SSPN: variants seen among roughly 807,000 people sequenced by gnomAD.
SSPN encodes sarcospan, also known as K-ras oncogene-associated protein.
SSPN carries 15 observed loss-of-function variants against 19.1 expected under a neutral mutation model. The observed-to-expected ratio is 0.78, with a 90% confidence interval of 0.52 to 1.21. SSPN has a LOEUF of 1.21. SSPN is among the 50% of genes most tolerant of loss of function. SSPN has a pLI of 0.00. For missense variants in SSPN, 291 were observed against 314.0 expected (o/e 0.93, Z 0.55); for synonymous variants, 147 against 140.3 (o/e 1.05, Z -0.34).
At chr12:26,214,861 C>T (rs996221660) in intron 1 of SSPN, 1 of 143,740 alleles carries the variant, frequency 7.0e-6, no homozygotes, top group South Asian at 2.3e-4. Context: ...CATATTTAAG[C>T]CCTATGTGAT....
At chr12:26,208,711 T>G (rs1486516785) in intron 1 of SSPN, among the ~76,000 whole-genome samples, 1 of 152,166 alleles carries the variant, frequency 6.6e-6, no homozygotes, top group Non-Finnish European at 1.5e-5. Flanking sequence ...TTTTGGGTAT[T>G]CATATCTTTA....
chr12:26,204,165 G>A (rs1042350861), intron 1 of SSPN, among the ~76,000 whole-genome samples: 1 of 152,074 alleles, frequency 6.6e-6, no homozygotes, highest in African/African-American at 2.4e-5. Context: ...AAAGCCCTAC[G>A]GCTTTCTTGG....
At chr12:26,156,585 T>C (rs1419977018) in intron 1 of SSPN, among the ~76,000 whole-genome samples, 3 of 152,158 alleles carry the variant, frequency 2.0e-5, no homozygotes, top group Non-Finnish European at 4.4e-5. Flanking sequence ...CCACTGGTCA[T>C]CGCCTGGAAT....
At chr12:26,157,943 A>T (rs1944565279) in intron 1 of SSPN, among the ~76,000 whole-genome samples, 1 of 151,998 alleles carries the variant, frequency 6.6e-6, no homozygotes, top group South Asian at 2.1e-4. Context: ...AACCCCACAA[A>T]TCTCATTATC....
chr12:26,146,682 G>T (rs1409904781), intron 1 of SSPN, among the ~76,000 whole-genome samples: 2 of 152,056 alleles, frequency 1.3e-5, no homozygotes, highest in African/African-American at 4.8e-5. Context: ...AATTAGCCAG[G>T]TGTGGTGGCA....
chr12:26,123,175 T>C (rs1434125618), intron 1 of SSPN: 11 of 1,578,738 alleles, frequency 7.0e-6, no homozygotes, highest in South Asian at 1.2e-5. Context: ...TCCCCTAGGA[T>C]GAGGAAGGGA....
At chr12:26,124,736 T>C in intron 1 of SSPN, 1 of 1,614,230 alleles carries the variant, frequency 6.2e-7, no homozygotes, top group Non-Finnish European at 8.5e-7. Context: ...ATCTCTATGT[T>C]CCAGTAACTG....
intron 1 of SSPN, among the ~76,000 whole-genome samples, chr12:26,130,942 A>G (rs1040220911): frequency 6.7e-6 from 1 of 150,348 alleles, no homozygotes; most frequent in East Asian, 1.9e-4. Context: ...GTCCAATCCC[A>G]TTACAAGAGG....
chr12:26,185,850 C>G (rs1174034341), intron 1 of SSPN, among the ~76,000 whole-genome samples: 1 of 152,194 alleles, frequency 6.6e-6, no homozygotes, highest in Non-Finnish European at 1.5e-5. Flanking sequence ...TCTGTCCCAG[C>G]GTGTGTCATC....
At chr12:26,126,060 T>A (rs1358859099) in intron 1 of SSPN, 2 of 152,028 alleles carry the variant, frequency 1.3e-5, no homozygotes, top group African/African-American at 4.8e-5. Context: ...GCCAGCAACG[T>A]GATCCGACCT....
chr12:26,141,956 C>T (rs895428598), intron 1 of SSPN, among the ~76,000 whole-genome samples: 3 of 152,160 alleles, frequency 2.0e-5, no homozygotes, highest in East Asian at 1.9e-4. Context: ...AGCACCTTGG[C>T]AGGCTCTCCA....
At chr12:26,131,090 G>A (rs865985969) in intron 1 of SSPN, among the ~76,000 whole-genome samples, 6 of 152,238 alleles carry the variant, frequency 3.9e-5, no homozygotes, top group East Asian at 1.9e-4. Context: ...GCTTGTCCAC[G>A]TCCTCTTCTT....
At position 26,208,455 on chromosome 12, in the gene SSPN, A is replaced by G. The variant is rs2137475319; in HGVS notation, c.279+12504A>G. On this transcript the variant is annotated intron_variant, in intron 1 of 2. Coordinates refer to ENST00000242729, the MANE Select transcript of SSPN (RefSeq NM_005086.5). ...TCTATGGGTTGTTCGTTTCTTATTT[A>G]TTTATAGGATTTGTTACTTTTGTTA... is the stretch of plus-strand genomic sequence containing the variant. 1.3e-5 allele frequency among the ~76,000 whole-genome samples: 2 copies of G among 152,116 alleles called. 1 individual carries two copies. Among genetic ancestry groups the G allele is most frequent in the South Asian group, 4.1e-4 (2 of 4,830 alleles).
intron 1 of SSPN, among the ~76,000 whole-genome samples, chr12:26,212,344 G>A (rs1024541441): frequency 6.6e-6 from 1 of 152,126 alleles, no homozygotes; most frequent in Non-Finnish European, 1.5e-5. Flanking sequence ...TTGAGCAAGT[G>A]TCTTTTCTCT....
chr12:26,202,552 C>G (rs931625773), intron 1 of SSPN, among the ~76,000 whole-genome samples: 1 of 152,244 alleles, frequency 6.6e-6, no homozygotes, highest in Admixed American at 6.5e-5. Context: ...TATTACCACT[C>G]TTAACCTTTT....
At chr12:26,171,421 AG>A (rs1341269670) in intron 1 of SSPN, among the ~76,000 whole-genome samples, 1 of 152,168 alleles carries the variant, frequency 6.6e-6, no homozygotes, top group Non-Finnish European at 1.5e-5. Context: ...AGACCCTTCT[AG>A]GGGGTTTACA....
At chr12:26,215,232 G>A (rs534683206) in intron 1 of SSPN, among the ~76,000 whole-genome samples, 15 of 152,284 alleles carry the variant, frequency 9.9e-5, no homozygotes, top group African/African-American at 3.4e-4. Flanking sequence ...CAAAGATTAT[G>A]CTGTAACCAT....
intron 1 of SSPN, among the ~76,000 whole-genome samples, chr12:26,140,182 A>T (rs1944450606): frequency 6.6e-6 from 1 of 152,200 alleles, no homozygotes; most frequent in African/African-American, 2.4e-5. Context: ...AAATAACTGT[A>T]TGAAATCATG....
At chr12:26,185,741 C>G (rs1944749799) in intron 1 of SSPN, among the ~76,000 whole-genome samples, 1 of 152,184 alleles carries the variant, frequency 6.6e-6, no homozygotes, top group Non-Finnish European at 1.5e-5. Context: ...TGTGAGTGAT[C>G]AGTTCCCGGC....
Sources: gnomAD v4.1 joint callset for allele counts (sites outside exome capture counted in the v4.1 genomes callset) on GRCh38, gnomAD v4.1.1 for gene constraint, MANE v1.5 for transcripts, NCBI Gene and HGNC (gene_info 2026-07-23, HGNC 2026-07-21) for gene names.